The following NLRP12 variants were observed in gnomAD, a reference collection of about 807,000 sequenced individuals.
NLRP12 encodes NACHT, LRR and PYD domains-containing protein 12.
In NLRP12, 108 loss-of-function variants were observed where a neutral mutation model predicts 91.2. The ratio of observed to expected loss-of-function variants is 1.18; its 90% confidence interval spans 1.01 to 1.39. NLRP12 has a LOEUF of 1.39. Ranked by LOEUF, NLRP12 falls within the 40% of genes most tolerant of loss-of-function variation. NLRP12 has a pLI of 0.00. For missense variants in NLRP12, 1,530 were observed against 1,352.7 expected (o/e 1.13, Z -2.06); for synonymous variants, 613 against 566.7 (o/e 1.08, Z -1.16).
intron 5 of NLRP12, 72 bp downstream of exon 5, chr19:53,805,208 C>CAA: frequency 6.7e-7 from 1 of 1,482,322 alleles, no homozygotes; most frequent in African/African-American, 1.4e-5. Flanking sequence ...TGGGGATTAC[C>CAA]AGCATTTTGT....
At chr19:53,809,392 G>A (rs1454542608) in intron 3 of NLRP12, among the ~76,000 whole-genome samples, 195 bp downstream of exon 3, 4 of 149,678 alleles carry the variant, frequency 2.7e-5, no homozygotes, top group African/African-American at 7.4e-5. Context: ...TTAGGTGGGC[G>A]TGGTGGCGTG....
At chr19:53,805,007 G>A (rs945514245) in intron 5 of NLRP12, among the ~76,000 whole-genome samples, 1 of 152,070 alleles carries the variant, frequency 6.6e-6, no homozygotes, top group Non-Finnish European at 1.5e-5. Flanking sequence ...CCCAACTTGG[G>A]CAACATAGCA....
intron 1 of NLRP12, among the ~76,000 whole-genome samples, chr19:53,816,395 G>A (rs1052843456): frequency 6.7e-6 from 1 of 150,134 alleles, no homozygotes; most frequent in East Asian, 1.9e-4. Context: ...AACAGTCTCT[G>A]TAGCTTCATG....
intron 8 of NLRP12, 88 bp from the exon 9 acceptor site, chr19:53,796,117 A>AGT: frequency 7.7e-7 from 1 of 1,292,910 alleles, no homozygotes; most frequent in Non-Finnish European, 1.1e-6. Context: ...CCCAGGCTGG[A>AGT]GTACAGTGGT....
At chr19:53,796,334 C>G (rs962694245) in intron 8 of NLRP12, among the ~76,000 whole-genome samples, 3 of 152,090 alleles carry the variant, frequency 2.0e-5, no homozygotes, top group African/African-American at 7.2e-5. Flanking sequence ...TCACTGCAAC[C>G]TCTGCCTCCC....
chr19:53,810,391 AG>A lies in NLRP12; in HGVS notation c.1267del (p.Leu423CysfsTer2). ...GGTGGTCCTGGACGTCTGTCTCAAC[AG>A]CCCCCCACCCTCCAGCTGCTGCTGG... Reference protein sequence around the residue: ...CLQQQLEGGGLLRQTSRTTTA... With the variant: ...CLQQQLEGGGXLRQTSRTTTA... On this transcript the variant is annotated frameshift_variant, in exon 3 of 10. Coordinates refer to ENST00000324134, the MANE Select transcript of NLRP12 (RefSeq NM_144687.4). LOFTEE classifies it high-confidence loss of function. 6.2e-7 allele frequency: 1 copy of A among 1,613,726 alleles called. No homozygotes were observed. The highest frequency in any genetic ancestry group is 8.5e-7 in the Non-Finnish European group (1 of 1,180,008).
intron 2 of NLRP12, among the ~76,000 whole-genome samples, chr19:53,813,748 C>T (rs1279246660): frequency 2.0e-5 from 3 of 151,692 alleles, no homozygotes; most frequent in African/African-American, 4.8e-5. Context: ...AGTGCAGTGG[C>T]GTGACCTTGG....
At chr19:53,807,039 G>A (rs1434574525) in intron 4 of NLRP12, among the ~76,000 whole-genome samples, 1 of 151,786 alleles carries the variant, frequency 6.6e-6, no homozygotes, top group Non-Finnish European at 1.5e-5. Flanking sequence ...TGAGAAAATA[G>A]ATTTATGTGG....
In NLRP12 at chr19:53,811,206, G is replaced by A. The variant is rs1269303111; in HGVS notation, c.453C>T (p.Val151=). Residue 151 remains valine (V), a synonymous_variant, in exon 3 of 10, where the codon GTC becomes GTT. Transcript: ENST00000324134. The stretch of plus-strand genomic sequence containing the variant: ...GCCGGGTGTACCGGTGGCTGAGGTT[G>A]ACACATTCCCCTAGGCGCGCATTGC... The part of the protein sequence containing the change: ...EDRNARLGEC[V]NLSHRYTRLL... The A allele has an allele frequency of 3.1e-6, 5 of 1,614,018 alleles. No homozygotes were observed. The highest frequency in any genetic ancestry group is 1.7e-5 in the Admixed American group (1 of 59,986).
intron 9 of NLRP12, among the ~76,000 whole-genome samples, chr19:53,794,423 G>A (rs1210991952): frequency 2.0e-5 from 3 of 150,856 alleles, no homozygotes; most frequent in Admixed American, 6.6e-5. Context: ...AGGTTCAAGC[G>A]ATTCTCCTGC....
In NLRP12 at chr19:53,805,387, A is replaced by G. The variant is rs774760366; in HGVS notation, c.2307T>C (p.Asn769=). ...TGAGATCCATCCTTGTCAAATTCTTATTGGCTATGAGAGCTGCAGAGAGGT... is the reference window on the plus strand; with the variant it reads ...TGAGATCCATCCTTGTCAAATTCTTGTTGGCTATGAGAGCTGCAGAGAGGT... ...CEDLSAALIA[N]KNLTRMDLSG... The change falls in exon 5 of 10, where the codon AAT becomes AAC. Residue 769 remains asparagine (N), a synonymous_variant. Coordinates refer to ENST00000324134, the MANE Select transcript of NLRP12 (RefSeq NM_144687.4). The G allele has an allele frequency of 6.2e-7, 1 of 1,613,964 alleles. No homozygotes were observed. Among genetic ancestry groups the G allele is most frequent in the South Asian group, 1.1e-5 (1 of 91,080 alleles).
intron 3 of NLRP12, chr19:53,807,905 C>T (rs1157490186): frequency 1.7e-5 from 8 of 481,592 alleles, no homozygotes; most frequent in South Asian, 3.6e-5. Context: ...CATGAGCCAC[C>T]ACGCCCAGTT....
intron 7 of NLRP12, 105 bp downstream of exon 7, chr19:53,801,122 T>C (rs1444944047): frequency 1.1e-5 from 11 of 1,001,552 alleles, no homozygotes; most frequent in Non-Finnish European, 1.7e-5. Flanking sequence ...GCTGATGTAG[T>C]AGCTAGAGTT....
chr19:53,819,455 ATATG>A (rs1379507119), intron 1 of NLRP12, among the ~76,000 whole-genome samples: 3 of 5,408 alleles, frequency 5.5e-4, no homozygotes, highest in African/African-American at 1.3e-3. Context: ...ATATATATAT[ATATG>A]TGTGTGTGTG....
At position 53,819,616 on chromosome 19, in the gene NLRP12, T is replaced by C. The variant is rs1297901570; in HGVS notation, c.289+4270A>G. ...GTATATACGCATATATATGTATGTATACGTATATACGCGTATATATGTATG... is the reference window on the plus strand; with the variant it reads ...GTATATACGCATATATATGTATGTACACGTATATACGCGTATATATGTATG... On this transcript the variant is annotated intron_variant, in intron 1 of 9. Transcript: ENST00000324134. Among the ~76,000 whole-genome samples, 61 of 70,592 alleles carry C rather than the reference T, an allele frequency of 8.6e-4. 2 individuals are homozygous for C. Among genetic ancestry groups the C allele is most frequent in the African/African-American group, 1.3e-3 (25 of 19,006 alleles). The allele number at this position is 70,592 out of a possible 152,430, so 46.3% of individuals were successfully genotyped here.
chr19:53,816,036 T>G (rs571296292), intron 1 of NLRP12, among the ~76,000 whole-genome samples: 1 of 151,378 alleles, frequency 6.6e-6, no homozygotes, highest in African/African-American at 2.4e-5. Flanking sequence ...CCTCTTGAAG[T>G]GTTGGAAATA....
chr19:53,822,613 C>G (rs1237267177), intron 1 of NLRP12, among the ~76,000 whole-genome samples: 1 of 151,672 alleles, frequency 6.6e-6, no homozygotes, highest in Non-Finnish European at 1.5e-5. Flanking sequence ...TGGCAGGTAC[C>G]TGTAATCTCA....
chr19:53,805,915 A>G (rs1419911567), intron 4 of NLRP12: 1 of 213,192 alleles, frequency 4.7e-6, no homozygotes, highest in African/African-American at 2.4e-5. Flanking sequence ...CTTTGTAGTC[A>G]AATACATTCA....
intron 1 of NLRP12, among the ~76,000 whole-genome samples, chr19:53,817,049 T>C (rs1363356830): frequency 1.3e-5 from 2 of 150,178 alleles, no homozygotes; most frequent in African/African-American, 4.9e-5. Context: ...CCCAGCACTT[T>C]GGGAGGCCAA....
Sources: gnomAD v4.1 joint callset for allele counts (sites outside exome capture counted in the v4.1 genomes callset) on GRCh38, gnomAD v4.1.1 for gene constraint, MANE v1.5 for transcripts, NCBI Gene and HGNC (gene_info 2026-07-23, HGNC 2026-07-21) for gene names.